CHL1: variants seen among roughly 807,000 people sequenced by gnomAD.
The protein encoded by CHL1 is neural cell adhesion molecule L1-like protein.
CHL1 carries 96 observed loss-of-function variants against 141.9 expected under a neutral mutation model. The ratio of observed to expected loss-of-function variants is 0.68; its 90% CI spans 0.57 to 0.80. The LOEUF is 0.80. CHL1 is among the 30% of genes least tolerant of loss of function. The probability of loss-of-function intolerance (pLI) is 0.00; values close to 1 mark genes in which losing one functional copy is unlikely to be tolerated. For synonymous variants in CHL1, 613 were observed against 502.2 expected, an observed-to-expected ratio of 1.22 and a Z score of -2.95; for missense variants, 1,820 against 1,457.2, an observed-to-expected ratio of 1.25 and a Z score of -4.05.
chr3:336,212 G>A (rs1575099189), intron 5 of CHL1, among the ~76,000 whole-genome samples: 1 of 152,070 alleles, frequency 6.6e-6, no homozygotes, highest in African/African-American at 2.4e-5. Context: ...GAGCAAAAAG[G>A]CATTGTACTT....
intron 11 of CHL1, among the ~76,000 whole-genome samples, chr3:357,431 G>A (rs887551349): frequency 3.3e-5 from 5 of 152,074 alleles, no homozygotes; most frequent in Admixed American, 1.3e-4. Flanking sequence ...TCTGAACCTC[G>A]TAGCAGCTTG....
intron 12 of CHL1, 80 bp downstream of exon 12, chr3:360,504 T>A: frequency 7.3e-7 from 1 of 1,368,712 alleles, no homozygotes; most frequent in Non-Finnish European, 1.0e-6. Flanking sequence ...GTGTATTAAC[T>A]CTTGACACAT....
At chr3:311,134 T>G (rs1345042352) in intron 2 of CHL1, among the ~76,000 whole-genome samples, 3 of 152,170 alleles carry the variant, frequency 2.0e-5, no homozygotes, top group Non-Finnish European at 4.4e-5. Context: ...CCAAAGAATA[T>G]CTTGGTGACT....
chr3:389,145 A>G, intron 19 of CHL1, 107 bp from the exon 20 acceptor site: 1 of 884,790 alleles, frequency 1.1e-6, no homozygotes, highest in South Asian at 1.7e-5. Flanking sequence ...CTCTCAACAA[A>G]TGACCATTTC....
chr3:369,140 A>G (rs1057263936), intron 15 of CHL1, among the ~76,000 whole-genome samples: 5 of 152,128 alleles, frequency 3.3e-5, no homozygotes, highest in East Asian at 1.9e-4. Context: ...TAGAATGTCA[A>G]TGGTAGTTTG....
chr3:300,042 A>T (rs562672948), intron 2 of CHL1, among the ~76,000 whole-genome samples: 1 of 152,320 alleles, frequency 6.6e-6, no homozygotes, highest in Admixed American at 6.5e-5. Context: ...TTACCAATTG[A>T]TGGAAAATGG....
intron 1 of CHL1, among the ~76,000 whole-genome samples, chr3:230,686 A>G (rs1701778220): frequency 6.6e-6 from 1 of 152,210 alleles, no homozygotes; most frequent in Admixed American, 6.5e-5. Context: ...TAAAATGAAC[A>G]TGAATAGTTG....
At chr3:218,102 T>C (rs463026) in intron 1 of CHL1, among the ~76,000 whole-genome samples, 132,594 of 151,834 alleles carry the variant, frequency 0.87, 58,230 homozygotes, top group East Asian at 1. Context: ...AAAGAATAAG[T>C]GGTTGTGAGA....
At chr3:317,209 T>A (rs1047842586) in intron 2 of CHL1, among the ~76,000 whole-genome samples, 8 of 152,002 alleles carry the variant, frequency 5.3e-5, no homozygotes, top group African/African-American at 1.9e-4. Context: ...ATGATGTCAT[T>A]ATGGGAGAGA....
Position 394,816 on chromosome 3 carries a change from C to G in CHL1, c.3038C>G (p.Thr1013Ser). 6.2e-7 allele frequency: 1 copy of G among 1,614,050 alleles called. No homozygotes were observed. The highest frequency in any genetic ancestry group is 2.2e-5 in the East Asian group (1 of 44,870). ...TACAAATTCTACTTGAGGGCTTGCA[C>G]TTCACAGGGCTGTGGAAAACCGATC... ...TKYKFYLRAC[T>S]SQGCGKPITE... The change falls in exon 24 of 28, where the codon ACT becomes AGT. Residue 1013 changes from threonine (T) to serine (S), a missense_variant. By Grantham distance (58) the Thr-to-Ser change is moderately conservative. Transcript: ENST00000256509.
chr3:337,189 T>C (rs1701937852), intron 5 of CHL1, among the ~76,000 whole-genome samples: 1 of 115,364 alleles, frequency 8.7e-6, no homozygotes, highest in African/African-American at 3.9e-5. Context: ...TCTTTTGTTT[T>C]TGTTTTTTTT....
chr3:245,493 C>T (rs1057145200), intron 2 of CHL1, among the ~76,000 whole-genome samples: 1 of 152,086 alleles, frequency 6.6e-6, no homozygotes, highest in Admixed American at 6.6e-5. Flanking sequence ...AGTATCACGA[C>T]TAGTTTTTAA....
At chr3:326,574 A>C (rs1016739826) in intron 4 of CHL1, among the ~76,000 whole-genome samples, 1 of 151,898 alleles carries the variant, frequency 6.6e-6, no homozygotes, top group African/African-American at 2.4e-5. Flanking sequence ...ACTACTATCT[A>C]GTATTATTTT....
rs1208680150 is a variant in CHL1, at chr3:383,833, C to T, written c.2194C>T (p.Gln732Ter). The T allele has an allele frequency of 6.2e-7, 1 of 1,609,754 alleles. No individual in the cohort carries two copies. Among genetic ancestry groups the T allele is most frequent in the South Asian group, 1.1e-5 (1 of 90,740 alleles). Residue 732 changes from glutamine (Q) to a stop codon, truncating the protein, a stop_gained, in exon 19 of 28, where the codon CAA becomes TAA. Coordinates refer to ENST00000256509, the MANE Select transcript of CHL1 (RefSeq NM_006614.4). LOFTEE classifies it high-confidence loss of function. ...TPPAAPDRNP[Q>*]NIRVQASQPK... The stretch of plus-strand genomic sequence containing the variant: ...TTTTTCAGCTCCAGATAGGAATCCA[C>T]AAAACATAAGGGTTCAAGCCTCTCA...
intron 5 of CHL1, among the ~76,000 whole-genome samples, chr3:331,082 A>T (rs1268096313): frequency 1.3e-5 from 2 of 152,192 alleles, no homozygotes; most frequent in African/African-American, 4.8e-5. Context: ...CTCAGAGTGG[A>T]TAAAAGGCTG....
intron 1 of CHL1, among the ~76,000 whole-genome samples, chr3:227,991 G>C (rs929895507): frequency 6.6e-6 from 1 of 152,116 alleles, no homozygotes; most frequent in African/African-American, 2.4e-5. Context: ...CTCTGTGTCT[G>C]TCTGTCTGAC....
intron 1 of CHL1, among the ~76,000 whole-genome samples, chr3:207,632 G>A (rs904023900): frequency 6.6e-6 from 1 of 152,074 alleles, no homozygotes; most frequent in Non-Finnish European, 1.5e-5. Flanking sequence ...AGGCTATATT[G>A]CGTTATTTGT....
chr3:271,906 T>G (rs1468645908), intron 2 of CHL1, among the ~76,000 whole-genome samples: 1 of 152,234 alleles, frequency 6.6e-6, no homozygotes, highest in African/African-American at 2.4e-5. Context: ...AGATCATGTA[T>G]TTGTAACATT....
chr3:356,722 G>A (rs1216403537), intron 11 of CHL1, among the ~76,000 whole-genome samples: 1 of 152,158 alleles, frequency 6.6e-6, no homozygotes, highest in African/African-American at 2.4e-5. Context: ...GGAGAGGTGT[G>A]TTGAGGAGGA....
Sources: gnomAD v4.1 joint callset for allele counts (sites outside exome capture counted in the v4.1 genomes callset) on GRCh38, gnomAD v4.1.1 for gene constraint, MANE v1.5 for transcripts, NCBI Gene and HGNC (gene_info 2026-07-23, HGNC 2026-07-21) for gene names.